ABCA13: variants seen among roughly 807,000 people sequenced by gnomAD.
ABCA13 encodes ATP-binding cassette sub-family A member 13.
Under a neutral mutation model 478.7 loss-of-function variants are expected in ABCA13, and 476 were observed. The observed-to-expected ratio is 0.99, with a 90% confidence interval of 0.92 to 1.07. ABCA13 has a LOEUF of 1.07. Among genes scored for constraint, ABCA13 ranks in the 50% least tolerant of loss-of-function variants. The pLI is 0.00. For missense variants in ABCA13, 6,060 were observed against 5,910.6 expected (o/e 1.03, Z -0.83); for synonymous variants, 2,252 against 2,158.9 (o/e 1.04, Z -1.20).
chr7:48,182,146 C>T (rs1397111055), intron 1 of ABCA13, among the ~76,000 whole-genome samples: 2 of 152,160 alleles, frequency 1.3e-5, no homozygotes, highest in African/African-American at 4.8e-5. Flanking sequence ...TGCAAACATC[C>T]TAACTCGACC....
intron 55 of ABCA13, among the ~76,000 whole-genome samples, chr7:48,564,008 T>C (rs56134922): frequency 0.14 from 20,991 of 151,950 alleles, 1,796 homozygotes; most frequent in African/African-American, 0.23. Flanking sequence ...TTTAGTATAT[T>C]CCTAACTCCA....
At chr7:48,619,243 A>G (rs574493733) in intron 59 of ABCA13, among the ~76,000 whole-genome samples, 3 of 152,192 alleles carry the variant, frequency 2.0e-5, no homozygotes, top group Non-Finnish European at 4.4e-5. Flanking sequence ...ATTAAAAAGC[A>G]AGTTCCTTGG....
chr7:48,481,158 T>C lies in ABCA13; in HGVS notation c.13094+4T>C. 6.4e-7 allele frequency: 1 copy of C among 1,550,434 alleles called. No homozygotes were observed. The highest frequency in any genetic ancestry group is 8.8e-7 in the Non-Finnish European group (1 of 1,137,486). ...TGGCACCATCTGAAAAACCAAGGTG[T>C]GTTCAATACTCTTGTTGGGTCTTTA... is the stretch of plus-strand genomic sequence containing the variant. On this transcript the variant is annotated splice_donor_region_variant and intron_variant, in intron 46 of 61. Coordinates refer to ENST00000435803, the MANE Select transcript of ABCA13 (RefSeq NM_152701.5).
chr7:48,380,668 G>A (rs1249152043), intron 35 of ABCA13, among the ~76,000 whole-genome samples: 3 of 152,164 alleles, frequency 2.0e-5, no homozygotes, highest in Non-Finnish European at 4.4e-5. Flanking sequence ...CACACTAAAG[G>A]CAATTGTACC....
At chr7:48,645,116 A>G (rs553595333) in intron 61 of ABCA13, among the ~76,000 whole-genome samples, 1 of 152,290 alleles carries the variant, frequency 6.6e-6, no homozygotes, top group East Asian at 1.9e-4. Context: ...AAAGCGTTTC[A>G]TTTACTAAGA....
chr7:48,363,706 T>C (rs1454433833), intron 31 of ABCA13, among the ~76,000 whole-genome samples: 1 of 152,108 alleles, frequency 6.6e-6, no homozygotes, highest in Non-Finnish European at 1.5e-5. Context: ...ATTTGGCCTG[T>C]GTTTCTTCCA....
chr7:48,362,637 T>A (rs1169186597), intron 31 of ABCA13, among the ~76,000 whole-genome samples: 1 of 151,696 alleles, frequency 6.6e-6, no homozygotes, highest in Non-Finnish European at 1.5e-5. Context: ...ATAATTTTTC[T>A]TTTAAGCTAA....
chr7:48,253,229 C>T (rs1792842074), intron 15 of ABCA13, among the ~76,000 whole-genome samples: 1 of 152,218 alleles, frequency 6.6e-6, no homozygotes, highest in African/African-American at 2.4e-5. Context: ...CTGCTGCTTT[C>T]AGTGGCCTCC....
At position 48,403,818 on chromosome 7, in the gene ABCA13, CAG is replaced by C; in HGVS notation, c.12010_12011del (p.Ser4004TrpfsTer9). ...SRTVVLDEPT[S>X]GVDPCSRHSL... ...GGACCGTGGTTCTGGATGAGCCCAC[CAG>C]TGGGGTGGACCCTTGCTCCCGGCAT... On this transcript the variant is annotated frameshift_variant, in exon 39 of 62. Transcript: ENST00000435803. LOFTEE classifies it high-confidence loss of function. The C allele has an allele frequency of 6.2e-7, 1 of 1,613,876 alleles. No individual in the cohort carries two copies. Among genetic ancestry groups the C allele is most frequent in the African/African-American group, 1.3e-5 (1 of 75,030 alleles).
chr7:48,440,435 T>G (rs1350014100), intron 42 of ABCA13, among the ~76,000 whole-genome samples: 1 of 152,212 alleles, frequency 6.6e-6, no homozygotes, highest in Non-Finnish European at 1.5e-5. Flanking sequence ...TTGTGTAATT[T>G]CTATGTAGTA....
rs186499517 is a variant in ABCA13, at chr7:48,574,386, C to T, written c.14355-5838C>T. 1.8e-3 allele frequency among the ~76,000 whole-genome samples: 272 copies of T among 152,276 alleles called. No individual in the cohort carries two copies. The Middle Eastern group carries it at 0.02, about 11-fold the overall frequency. Reference sequence around the variant, plus strand: ...GAAAGCCACGTTCATTTGCCAGAGTCCCAACACCTGAATGTCTGCTTAATG... The same window carrying T: ...GAAAGCCACGTTCATTTGCCAGAGTTCCAACACCTGAATGTCTGCTTAATG... On this transcript the variant is annotated intron_variant, in intron 55 of 61. Transcript: ENST00000435803.
intron 23 of ABCA13, among the ~76,000 whole-genome samples, chr7:48,306,104 A>G (rs921773364): frequency 2.6e-5 from 4 of 152,226 alleles, no homozygotes; most frequent in South Asian, 2.1e-4. Flanking sequence ...TCTTTAAAAG[A>G]TAAATAGTAA....
At chr7:48,633,613 A>G (rs996677822) in intron 59 of ABCA13, among the ~76,000 whole-genome samples, 1 of 151,596 alleles carries the variant, frequency 6.6e-6, no homozygotes, top group Admixed American at 6.6e-5. Flanking sequence ...GCGGTAGCTC[A>G]CCCCTGTAAT....
At chr7:48,476,690 C>T (rs567465246) in intron 45 of ABCA13, among the ~76,000 whole-genome samples, 1 of 152,132 alleles carries the variant, frequency 6.6e-6, no homozygotes, top group Non-Finnish European at 1.5e-5. Context: ...GGAATGGGTT[C>T]TGGCCTTGAA....
At chr7:48,289,515 C>T (rs1282548301) in intron 20 of ABCA13, among the ~76,000 whole-genome samples, 11 of 152,024 alleles carry the variant, frequency 7.2e-5, no homozygotes, top group East Asian at 3.9e-4. Context: ...CCAGCCAGCA[C>T]GCCTGGCTAA....
At chr7:48,209,933 AC>A (rs1221801453) in intron 3 of ABCA13, among the ~76,000 whole-genome samples, 1 of 152,134 alleles carries the variant, frequency 6.6e-6, no homozygotes, top group Non-Finnish European at 1.5e-5. Flanking sequence ...TATTAAAAAA[AC>A]TTTTTGTTTC....
At position 48,387,961 on chromosome 7, in the gene ABCA13, T is replaced by C. The variant is rs797045205; in HGVS notation, c.11473+2T>C. The C allele has an allele frequency of 2.5e-5, 40 of 1,597,956 alleles. No homozygotes were observed. Among genetic ancestry groups the C allele is most frequent in the Non-Finnish European group, 3.4e-5 (40 of 1,176,062 alleles). On this transcript the variant is annotated splice_donor_variant, in intron 36 of 61. Transcript: ENST00000435803. LOFTEE classifies it high-confidence loss of function. ...TCAATGAGAACTTTGACAATAAAGG[T>C]TTGTAAGGAGTAGAATTATTAGATG...
In ABCA13 at chr7:48,633,949, T is replaced by C. The variant is rs1249555994; in HGVS notation, c.14838-9339T>C. ...ATAGATACATAGATAGATAGATAGATAGATAGATAGATAGATAGATAGATA... is the reference window on the plus strand; with the variant it reads ...ATAGATACATAGATAGATAGATAGACAGATAGATAGATAGATAGATAGATA... On this transcript the variant is annotated intron_variant, in intron 59 of 61. Transcript: ENST00000435803. 2.0e-5 allele frequency among the ~76,000 whole-genome samples: 3 copies of C among 151,710 alleles called. No homozygotes were observed. The East Asian group carries it at 5.8e-4, about 29-fold the overall frequency.
chr7:48,308,352 A>AT (rs948122978), intron 23 of ABCA13, among the ~76,000 whole-genome samples: 12 of 152,048 alleles, frequency 7.9e-5, no homozygotes, highest in Admixed American at 3.3e-4. Context: ...TTACAGTTAA[A>AT]TTTTTTTTAA....
Sources: gnomAD v4.1 joint callset for allele counts (sites outside exome capture counted in the v4.1 genomes callset) on GRCh38, gnomAD v4.1.1 for gene constraint, MANE v1.5 for transcripts, NCBI Gene and HGNC (gene_info 2026-07-23, HGNC 2026-07-21) for gene names.